The following PDK3 variants were observed in gnomAD, a reference collection of about 807,000 sequenced individuals.
PDK3 encodes the protein pyruvate dehydrogenase kinase, isozyme 3.
In PDK3, 12 loss-of-function variants were observed where a neutral mutation model predicts 32.0. That is an observed-to-expected ratio of 0.37 (90% CI 0.24 to 0.61). The LOEUF is 0.61. Among genes scored for constraint, PDK3 ranks in the 20% least tolerant of loss-of-function variants. The pLI is 0.65. For synonymous variants in PDK3, 122 were observed against 116.3 expected (o/e 1.05, Z -0.31); for missense variants, 188 against 316.9 (o/e 0.59, Z 3.09).
At chrX:24,542,344 C>T (rs776284957) in exon 12 of PDK3, among the ~76,000 whole-genome samples, 1 of 112,164 alleles carries the variant, frequency 8.9e-6, no homozygotes, top group East Asian at 2.8e-4. Context: ...ATACAGCATG[C>T]CATTTGATCC....
Position 24,482,427 on chromosome X carries a change from C to A in PDK3, c.107-12315C>A, listed in dbSNP as rs7884002. Among the ~76,000 whole-genome samples, 208 of 111,712 alleles carry A rather than the reference C, an allele frequency of 1.9e-3. 2 individuals carry two copies. Among genetic ancestry groups the A allele is most frequent in the African/African-American group, 6.6e-3 (204 of 30,780 alleles). Reference sequence around the variant, plus strand: ...GTTTCACCATGTTGTCCAAGCTGGTCTCGAACTCCTGACCTCAAGTAATCT... The same window carrying A: ...GTTTCACCATGTTGTCCAAGCTGGTATCGAACTCCTGACCTCAAGTAATCT... On this transcript the variant is annotated intron_variant, in intron 1 of 10. Coordinates refer to ENST00000379162, the MANE Select transcript of PDK3 (RefSeq NM_005391.5).
intron 7 of PDK3, 84 bp downstream of exon 7, chrX:24,526,358 A>C (rs1207029113): frequency 3.4e-6 from 2 of 593,682 alleles, no homozygotes; most frequent in Non-Finnish European, 5.4e-6. Flanking sequence ...TTAGATTAGC[A>C]TAAGAAAAAG....
chrX:24,537,282 A>ATTTTTTTTTTT (rs1167543267), downstream of PDK3, among the ~76,000 whole-genome samples: 17 of 65,679 alleles, frequency 2.6e-4, no homozygotes, highest in East Asian at 4.4e-4. Flanking sequence ...ACGCCTGGCT[A>ATTTTTTTTTTT]TTTTTTTTTT....
Position 24,468,572 on chromosome X carries a change from C to T in PDK3, c.106+3011C>T, listed in dbSNP as rs1183935976. On this transcript the variant is annotated intron_variant, in intron 1 of 10. Transcript: ENST00000379162. The stretch of plus-strand genomic sequence containing the variant: ...GGTGCTGGGGGTGGAGAGCAGAGCA[C>T]TGGTATTTTTAGGAGATCCCCCTGT... Among the ~76,000 whole-genome samples, 3 of 112,073 alleles carry T rather than the reference C, an allele frequency of 2.7e-5. No homozygotes were observed. In the Admixed American group the frequency reaches 2.8e-4, roughly 11 times the overall value.
exon 12 of PDK3, chrX:24,545,711 A>G (rs1922982244): frequency 9.0e-6 from 1 of 111,392 alleles, no homozygotes; most frequent in South Asian, 3.8e-4. Context: ...GAGAGGAGTC[A>G]TGTGAAGGAA....
At position 24,534,064 on chromosome X, in the gene PDK3, A is replaced by G; in HGVS notation, c.1213A>G (p.Lys405Glu). Residue 405 changes from lysine (K) to glutamate (E), a missense_variant, in exon 11 of 11, where the codon AAA becomes GAA. By Grantham distance (56) the Lys-to-Glu change is moderately conservative. Coordinates refer to ENST00000379162, the MANE Select transcript of PDK3 (RefSeq NM_005391.5). The stretch of plus-strand genomic sequence containing the variant: ...CAGGGATGCTTCAAAATACAAAGCA[A>G]AACAGTAATATACCACCTTGATTTC... Reference protein sequence around the residue: ...EPRDASKYKAKQ With the variant: ...EPRDASKYKAEQ 1 of 1,200,497 alleles carries G rather than the reference A, an allele frequency of 8.3e-7. No individual in the cohort carries two copies. Among genetic ancestry groups the G allele is most frequent in the Admixed American group, 2.2e-5 (1 of 44,563 alleles).
chrX:24,547,520 A>G (rs1313192842), exon 12 of PDK3: 1 of 112,289 alleles, frequency 8.9e-6, no homozygotes, highest in African/African-American at 3.2e-5. Context: ...AAAAAATCAC[A>G]AAGTATAGTA....
At chrX:24,479,185 A>T (rs1038463988) in intron 1 of PDK3, among the ~76,000 whole-genome samples, 2 of 112,316 alleles carry the variant, frequency 1.8e-5, no homozygotes, top group Non-Finnish European at 3.8e-5. Context: ...AACTTTGGTT[A>T]ATTTCTCCTC....
chrX:24,500,747 C>T (rs1410696493), intron 3 of PDK3, among the ~76,000 whole-genome samples: 1 of 111,525 alleles, frequency 9.0e-6, no homozygotes, highest in Admixed American at 9.6e-5. Context: ...ATGGGATCAC[C>T]AGCAGGGAAA....
intron 1 of PDK3, among the ~76,000 whole-genome samples, chrX:24,493,450 T>C (rs1055650880): frequency 9.0e-6 from 1 of 111,706 alleles, no homozygotes; most frequent in African/African-American, 3.3e-5. Context: ...TCTGAATCTC[T>C]GACTTGCTGC....
chrX:24,528,214 A>G, intron 9 of PDK3, 28 bp downstream of exon 9: 6 of 836,919 alleles, frequency 7.2e-6, no homozygotes, highest in Non-Finnish European at 1.1e-5. Flanking sequence ...CTGCTGAAGG[A>G]AAGATCATAA....
chrX:24,519,844 G>A (rs7876136), intron 6 of PDK3, among the ~76,000 whole-genome samples: 11,938 of 111,542 alleles, frequency 0.11, 865 homozygotes, highest in African/African-American at 0.26. Context: ...CAGTAAATAA[G>A]TTAATAATGG....
chrX:24,528,184 T>C lies in PDK3; in HGVS notation c.961T>C (p.Leu321=). 1 of 1,058,189 alleles carries C rather than the reference T, an allele frequency of 9.5e-7. No individual in the cohort carries two copies. Among genetic ancestry groups the C allele is most frequent in the Non-Finnish European group, 1.3e-6 (1 of 757,718 alleles). The allele number at this position is 1,058,189 out of a possible 1,213,427, so 87.2% of individuals were successfully genotyped here. Residue 321 remains leucine, a splice_region_variant and synonymous_variant, in exon 9 of 11, where the codon TTG becomes CTG. Transcript: ENST00000379162. ...PSLEPTRAAP[L]AGFGYGLPIS... is the part of the protein sequence containing the mutation. ...CCTGGAGCCTACCAGAGCTGCCCCTTTGGTAAGCATCTGAAAGTGCTGCTG... is the reference window on the plus strand; with the variant it reads ...CCTGGAGCCTACCAGAGCTGCCCCTCTGGTAAGCATCTGAAAGTGCTGCTG...
chrX:24,472,683 T>C (rs1309822066), intron 1 of PDK3, among the ~76,000 whole-genome samples: 1 of 87,777 alleles, frequency 1.1e-5, no homozygotes, highest in Non-Finnish European at 2.2e-5. Flanking sequence ...TTCTTTTTTT[T>C]TTTTTTTTTT....
In PDK3 at chrX:24,494,857, C is replaced by T. The variant is rs754514501; in HGVS notation, c.222C>T (p.Arg74=). The change falls in exon 2 of 11, where the codon CGC becomes CGT. Residue 74 remains arginine, a synonymous_variant. Coordinates refer to ENST00000379162, the MANE Select transcript of PDK3 (RefSeq NM_005391.5). ...VNLLPDNLLN[R]PSVGLVQSWY... is the part of the protein sequence containing the mutation. ...TTCTGCCGGATAATTTACTTAACCG[C>T]CCTTCAGTGGGATTGGTTCAGAGTT... is the stretch of plus-strand genomic sequence containing the variant. The T allele has an allele frequency of 4.6e-5, 56 of 1,204,987 alleles. No homozygotes were observed. In the South Asian group the frequency reaches 9.8e-4, roughly 21 times the overall value.
At chrX:24,481,248 G>A (rs1361616226) in intron 1 of PDK3, among the ~76,000 whole-genome samples, 2 of 110,642 alleles carry the variant, frequency 1.8e-5, no homozygotes, top group Admixed American at 1.9e-4. Flanking sequence ...TTTCACCGTG[G>A]TCTCGATCTC....
intron 1 of PDK3, among the ~76,000 whole-genome samples, chrX:24,469,223 G>C (rs1449960434): frequency 9.0e-6 from 1 of 111,664 alleles, no homozygotes; most frequent in Non-Finnish European, 1.9e-5. Context: ...ATGCATGTCC[G>C]CGTGTATCTG....
intron 8 of PDK3, among the ~76,000 whole-genome samples, 186 bp from the exon 9 acceptor site, chrX:24,527,890 C>T (rs1922561985): frequency 8.9e-6 from 1 of 111,888 alleles, no homozygotes; most frequent in Non-Finnish European, 1.9e-5. Flanking sequence ...CCTGTTGGAT[C>T]CCACTGTACC....
At chrX:24,476,234 T>C (rs1016752530) in intron 1 of PDK3, among the ~76,000 whole-genome samples, 1 of 110,757 alleles carries the variant, frequency 9.0e-6, no homozygotes, top group Admixed American at 9.6e-5. Flanking sequence ...TCGTCCTCCA[T>C]ATCTGTGGGT....
Sources: allele counts gnomAD v4.1 joint callset (sites outside exome capture counted in the v4.1 genomes callset), GRCh38; gene constraint gnomAD v4.1.1; transcripts MANE v1.5; gene names NCBI Gene and HGNC (gene_info 2026-07-23, HGNC 2026-07-21).